CLTCL1: variants seen among roughly 807,000 people sequenced by gnomAD.
CLTCL1 encodes the protein clathrin heavy chain like 1, also known as clathrin heavy chain 2.
A neutral mutation model predicts 190.0 loss-of-function variants in CLTCL1; 159 were observed. The ratio of observed to expected loss-of-function variants is 0.84; its 90% CI spans 0.74 to 0.95. CLTCL1 has a LOEUF of 0.95. CLTCL1 is among the 40% of genes least tolerant of loss of function. The pLI, the probability that CLTCL1 is intolerant of heterozygous loss-of-function variation, is 0.00. For missense variants in CLTCL1, 1,878 were observed against 2,033.4 expected (o/e 0.92, Z 1.47); for synonymous variants, 752 against 769.6 (o/e 0.98, Z 0.38).
At chr22:19,251,686 G>A (rs143902299) in intron 3 of CLTCL1, among the ~76,000 whole-genome samples, 1,778 of 152,262 alleles carry the variant, frequency 0.012, 34 homozygotes, top group African/African-American at 0.039. Flanking sequence ...TCAATCTCCT[G>A]ACCTCGTGAT....
chr22:19,197,385 G>A (rs972301150), intron 24 of CLTCL1, among the ~76,000 whole-genome samples: 28 of 152,028 alleles, frequency 1.8e-4, no homozygotes, highest in African/African-American at 6.3e-4. Flanking sequence ...CTACAGACAC[G>A]CCGCCTGTGC....
chr22:19,243,027 A>C, intron 3 of CLTCL1, 91 bp from the exon 4 acceptor site: 2 of 1,269,848 alleles, frequency 1.6e-6, no homozygotes, highest in Admixed American at 2.3e-5. Context: ...TGAAAGTCTC[A>C]TACATTAGAG....
Position 19,235,760 on chromosome 22 carries a change from G to GT in CLTCL1, c.904dup (p.Thr302AsnfsTer29). 1 of 1,613,964 alleles carries GT rather than the reference G, an allele frequency of 6.2e-7. No individual in the cohort carries two copies. Among genetic ancestry groups the GT allele is most frequent in the Non-Finnish European group, 8.5e-7 (1 of 1,179,858 alleles). On this transcript the variant is annotated frameshift_variant, in exon 6 of 33. Coordinates refer to ENST00000427926, the MANE Select transcript of CLTCL1 (RefSeq NM_007098.4). LOFTEE classifies it high-confidence loss of function. ...TTTGTGTGGAGCAGTGACAAATATT[G>GT]TGTCAGCACTAATACGGTTCATGCA...
chr22:19,200,239 CT>C (rs1555938429), intron 23 of CLTCL1, among the ~76,000 whole-genome samples: 1 of 152,246 alleles, frequency 6.6e-6, no homozygotes, highest in East Asian at 1.9e-4. Context: ...GTTTTTTAGA[CT>C]ACTTTTGTTT....
rs1338626795 is a variant in CLTCL1 at position 19,244,922 on chromosome 22, G to T, written c.520-1986C>A. 2.0e-5 allele frequency among the ~76,000 whole-genome samples: 3 copies of T among 152,202 alleles called. No homozygotes were observed. The East Asian group carries it at 5.8e-4, about 29-fold the overall frequency. On this transcript the variant is annotated intron_variant, in intron 3 of 32. Coordinates refer to ENST00000427926, the MANE Select transcript of CLTCL1 (RefSeq NM_007098.4). ...AATATGACACAGGTCCTTCTCTCAA[G>T]AACAGATGGTAAGAGTTTCCGGCAA...
Position 19,235,731 on chromosome 22 carries a change from T to A in CLTCL1, c.934A>T (p.Thr312Ser), listed in dbSNP as rs782233327. The A allele has an allele frequency of 6.2e-7, 1 of 1,613,310 alleles. No homozygotes were observed. The highest frequency in any genetic ancestry group is 8.5e-7 in the Non-Finnish European group (1 of 1,179,682). ...TIFVTAPHKPTSGIIGVNKKG... is the reference protein window; with the variant it reads ...TIFVTAPHKPSSGIIGVNKKG... ...TTGTTGACACCAATAATTCCAGAGG[T>A]TGGTTTGTGTGGAGCAGTGACAAAT... is the stretch of plus-strand genomic sequence containing the variant. Residue 312 changes from threonine (T) to serine (S), a missense_variant, in exon 6 of 33, where the codon ACC becomes TCC. Thr to Ser is a moderately conservative substitution (Grantham distance 58). Transcript: ENST00000427926.
chr22:19,282,052 C>T (rs542385396), intron 1 of CLTCL1, among the ~76,000 whole-genome samples: 4 of 152,002 alleles, frequency 2.6e-5, no homozygotes, highest in South Asian at 4.1e-4. Flanking sequence ...AAGGGGCGGC[C>T]GGGCACGGTG....
chr22:19,187,485 G>C, intron 29 of CLTCL1, 73 bp downstream of exon 29: 1 of 1,491,768 alleles, frequency 6.7e-7, no homozygotes. Flanking sequence ...AGAGGGAAGG[G>C]ATGTGACCCC....
intron 26 of CLTCL1, among the ~76,000 whole-genome samples, chr22:19,192,092 G>A (rs1194116288): frequency 7.1e-6 from 1 of 141,342 alleles, no homozygotes; most frequent in Non-Finnish European, 1.5e-5. Context: ...TTGAGACGGA[G>A]TCTCACTCTG....
intron 3 of CLTCL1, among the ~76,000 whole-genome samples, chr22:19,252,402 A>T (rs1356162171): frequency 1.3e-5 from 2 of 152,180 alleles, no homozygotes; most frequent in East Asian, 3.8e-4. Context: ...CCAGACTCCC[A>T]GAAAGAGCCA....
intron 27 of CLTCL1, among the ~76,000 whole-genome samples, chr22:19,188,546 G>C (rs1042930436): frequency 3.3e-5 from 5 of 151,902 alleles, no homozygotes; most frequent in Admixed American, 1.3e-4. Context: ...TTGCCTCAAT[G>C]TTGATGGCTG....
At chr22:19,208,892 C>A in intron 21 of CLTCL1, 30 bp downstream of exon 21, 1 of 1,541,904 alleles carries the variant, frequency 6.5e-7, no homozygotes, top group Non-Finnish European at 8.8e-7. Flanking sequence ...CAGTGAGATG[C>A]AGAGCCCTAG....
Position 19,242,919 on chromosome 22 carries a change from T to G in CLTCL1, c.537A>C (p.Gly179=). 6.2e-7 allele frequency: 1 copy of G among 1,613,672 alleles called. No homozygotes were observed. The highest frequency in any genetic ancestry group is 1.1e-5 in the South Asian group (1 of 91,070). The part of the protein sequence containing the change: ...GISAQQNRVV[G]AMQLYSVDRK... ...TATCCACAGAGTAGAGCTGCATTGC[T>G]CCAACCACACGGTTTTGCTAAGAAA... The change falls in exon 4 of 33, where the codon GGA becomes GGC. Residue 179 remains glycine, a synonymous_variant. Transcript: ENST00000427926.
chr22:19,281,997 T>C (rs1270924963), intron 1 of CLTCL1, among the ~76,000 whole-genome samples: 1 of 152,050 alleles, frequency 6.6e-6, no homozygotes, highest in Admixed American at 6.6e-5. Context: ...ATTAAGACAG[T>C]AGTTCTCAAC....
intron 2 of CLTCL1, among the ~76,000 whole-genome samples, chr22:19,256,667 AT>A (rs1160788962): frequency 2.2e-3 from 298 of 136,778 alleles, no homozygotes; most frequent in Admixed American, 2.3e-3. Context: ...CTAATTTTTA[AT>A]TTTTTTTTTT....
chr22:19,240,554 G>A (rs1362562334), intron 4 of CLTCL1, among the ~76,000 whole-genome samples: 1 of 152,186 alleles, frequency 6.6e-6, no homozygotes, highest in Non-Finnish European at 1.5e-5. Flanking sequence ...GAAGTCTGTG[G>A]ATGGGGAATA....
intron 22 of CLTCL1, among the ~76,000 whole-genome samples, chr22:19,204,483 C>T (rs539116738): frequency 4.7e-4 from 72 of 152,314 alleles, no homozygotes; most frequent in African/African-American, 1.6e-3. Context: ...ATCCCTGCCC[C>T]GCTTCACTTA....
chr22:19,183,318 C>A (rs113585066), intron 30 of CLTCL1, 72 bp downstream of exon 30: 11 of 1,369,848 alleles, frequency 8.0e-6, no homozygotes, highest in African/African-American at 5.7e-5. Context: ...TTAAGACCTG[C>A]GGCCAGAGTC....
Position 19,225,609 on chromosome 22 carries a change from A to C in CLTCL1, c.1972T>G (p.Leu658Val), listed in dbSNP as rs1555955445. 6.4e-7 allele frequency: 1 copy of C among 1,567,498 alleles called. No homozygotes were observed. The highest frequency in any genetic ancestry group is 8.6e-7 in the Non-Finnish European group (1 of 1,157,126). The part of the protein sequence containing the change: ...PEWLVNFFGS[L>V]SVEDSVECLH... ...CACTCCACAGAATCCTCCACCGATA[A>C]GGAGCCAAAGAAATTGACAAGCCAC... Residue 658 changes from leucine to valine, a missense_variant, in exon 13 of 33, where the codon TTA becomes GTA. Physicochemically the swap from Leu to Val is conservative, Grantham distance 32. Transcript: ENST00000427926.
Sources: allele counts gnomAD v4.1 joint callset (sites outside exome capture counted in the v4.1 genomes callset), GRCh38; gene constraint gnomAD v4.1.1; transcripts MANE v1.5; gene names NCBI Gene and HGNC (gene_info 2026-07-23, HGNC 2026-07-21).